GFRAL: variants seen among roughly 807,000 people sequenced by gnomAD.
GFRAL encodes the protein GDNF family receptor alpha like.
In GFRAL, 36 loss-of-function variants were observed where a neutral mutation model predicts 45.4. That is an observed-to-expected ratio of 0.79 (90% CI 0.61 to 1.05). GFRAL has a LOEUF of 1.05. Ranked by LOEUF, GFRAL falls within the 50% of genes least tolerant of loss-of-function variation. GFRAL has a pLI of 0.00. For missense variants in GFRAL, 507 were observed against 467.5 expected (o/e 1.08, Z -0.78); for synonymous variants, 166 against 154.1 (o/e 1.08, Z -0.57).
At chr6:55,384,113 G>A (rs1376587851) in intron 6 of GFRAL, among the ~76,000 whole-genome samples, 1 of 151,890 alleles carries the variant, frequency 6.6e-6, no homozygotes, top group African/African-American at 2.4e-5. Context: ...CACACACTGG[G>A]GCCTGTTGGG....
intron 6 of GFRAL, among the ~76,000 whole-genome samples, chr6:55,385,640 C>T (rs950985774): frequency 3.3e-5 from 5 of 152,054 alleles, no homozygotes; most frequent in Non-Finnish European, 2.9e-5. Context: ...CCATAATATA[C>T]TGCTCTCGTC....
chr6:55,340,885 C>A (rs544442891), intron 3 of GFRAL, among the ~76,000 whole-genome samples: 22 of 152,296 alleles, frequency 1.4e-4, no homozygotes, highest in East Asian at 3.9e-4. Context: ...TATCCCGTGC[C>A]TGGCTTGGAG....
intron 6 of GFRAL, among the ~76,000 whole-genome samples, chr6:55,390,428 C>T (rs1010498963): frequency 2.6e-5 from 4 of 152,156 alleles, no homozygotes; most frequent in Non-Finnish European, 5.9e-5. Flanking sequence ...GGCACAGTTG[C>T]CATTGGGAAC....
intron 6 of GFRAL, among the ~76,000 whole-genome samples, chr6:55,371,464 T>G (rs1407448090): frequency 2.0e-5 from 3 of 151,590 alleles, no homozygotes; most frequent in Admixed American, 6.6e-5. Flanking sequence ...CTATAACATC[T>G]AGGACCTACA....
intron 6 of GFRAL, among the ~76,000 whole-genome samples, chr6:55,373,478 C>A (rs1768480549): frequency 1.3e-5 from 2 of 152,122 alleles, no homozygotes; most frequent in South Asian, 4.1e-4. Flanking sequence ...TGTTAGATTT[C>A]TCATGTACTT....
At chr6:55,343,304 GA>G (rs1581903002) in intron 3 of GFRAL, among the ~76,000 whole-genome samples, 5 of 152,132 alleles carry the variant, frequency 3.3e-5, no homozygotes, top group Admixed American at 3.3e-4. Context: ...AAACGTAAAA[GA>G]ACACAAATTA....
chr6:55,395,812 A>G (rs1418033796), intron 6 of GFRAL, among the ~76,000 whole-genome samples: 1 of 151,888 alleles, frequency 6.6e-6, no homozygotes, highest in African/African-American at 2.4e-5. Context: ...AGAAACAGTA[A>G]TGCTCACCTC....
intron 3 of GFRAL, among the ~76,000 whole-genome samples, chr6:55,340,501 G>A (rs1467350340): frequency 6.6e-6 from 1 of 152,060 alleles, no homozygotes; most frequent in Non-Finnish European, 1.5e-5. Context: ...AGAATATAAA[G>A]AGCATCATCA....
intron 6 of GFRAL, among the ~76,000 whole-genome samples, chr6:55,393,718 C>T (rs60761034): frequency 0.22 from 34,028 of 151,846 alleles, 5,125 homozygotes; most frequent in African/African-American, 0.44. Context: ...TGGGCAAAGA[C>T]GAGATTTAAT....
Position 55,359,029 on chromosome 6 carries a change from T to C in GFRAL, c.843T>C (p.Asp281=), listed in dbSNP as rs1203558288. 6.2e-7 allele frequency: 1 copy of C among 1,612,954 alleles called. No individual in the cohort carries two copies. The highest frequency in any genetic ancestry group is 8.5e-7 in the Non-Finnish European group (1 of 1,179,378). The part of the protein sequence containing the change: ...GSDDCKAAYI[D]ILGTVLQVQC... Reference sequence around the variant, plus strand: ...ATGACTGCAAAGCTGCTTACATAGATATCCTTGGGACGGTCCTTCAAGTGC... The same window carrying C: ...ATGACTGCAAAGCTGCTTACATAGACATCCTTGGGACGGTCCTTCAAGTGC... Residue 281 remains aspartate, a synonymous_variant, in exon 6 of 9, where the codon GAT becomes GAC. Coordinates refer to ENST00000340465, the MANE Select transcript of GFRAL (RefSeq NM_207410.2).
intron 6 of GFRAL, among the ~76,000 whole-genome samples, chr6:55,366,038 T>C (rs1768358027): frequency 6.6e-6 from 1 of 151,510 alleles, no homozygotes; most frequent in South Asian, 2.1e-4. Flanking sequence ...CTTGTACCTC[T>C]GGTAGAATTC....
intron 3 of GFRAL, among the ~76,000 whole-genome samples, chr6:55,346,093 G>A (rs186711963): frequency 0.013 from 1,990 of 152,268 alleles, 23 homozygotes; most frequent in Non-Finnish European, 0.022. Flanking sequence ...ACTGTTGGTG[G>A]GACTGTAAAC....
intron 3 of GFRAL, among the ~76,000 whole-genome samples, chr6:55,339,248 A>T (rs1211506766): frequency 6.6e-6 from 1 of 152,140 alleles, no homozygotes; most frequent in Non-Finnish European, 1.5e-5. Context: ...ATTGTACAGG[A>T]CTGGGGACGA....
intron 6 of GFRAL, among the ~76,000 whole-genome samples, chr6:55,377,842 G>C (rs917133308): frequency 6.6e-6 from 1 of 152,040 alleles, no homozygotes; most frequent in Non-Finnish European, 1.5e-5. Context: ...ATAAAGCAAT[G>C]ACTTTTGTGC....
intron 6 of GFRAL, among the ~76,000 whole-genome samples, chr6:55,388,076 A>AT (rs2127364802): frequency 6.6e-6 from 1 of 152,198 alleles, no homozygotes; most frequent in Non-Finnish European, 1.5e-5. Flanking sequence ...TCTAGCAATG[A>AT]TTTCCCTTGG....
At chr6:55,341,700 A>C (rs760531386) in intron 3 of GFRAL, among the ~76,000 whole-genome samples, 5 of 152,222 alleles carry the variant, frequency 3.3e-5, no homozygotes, top group Admixed American at 2.0e-4. Context: ...TCAGAGAATA[A>C]GGTTTCAGAT....
At chr6:55,374,361 G>A (rs1283745180) in intron 6 of GFRAL, among the ~76,000 whole-genome samples, 1 of 151,976 alleles carries the variant, frequency 6.6e-6, no homozygotes, top group African/African-American at 2.4e-5. Flanking sequence ...GTTTTGATTT[G>A]CATTTCTCTA....
Position 55,397,836 on chromosome 6 carries a change from TGACA to T in GFRAL, c.953-1332_953-1329del, listed in dbSNP as rs1449979897. On this transcript the variant is annotated intron_variant, in intron 6 of 8. Transcript: ENST00000340465. ...TACCTCGTAAGGACATTCTGGTCAA[TGACA>T]GACAGACAGACTATACATCAGTGGT... 3.9e-5 allele frequency among the ~76,000 whole-genome samples: 6 copies of T among 152,174 alleles called. No individual in the cohort carries two copies. In the South Asian group the frequency reaches 6.2e-4, roughly 16 times the overall value.
chr6:55,389,558 A>C (rs1488605575), intron 6 of GFRAL, among the ~76,000 whole-genome samples: 1 of 151,976 alleles, frequency 6.6e-6, no homozygotes, highest in East Asian at 1.9e-4. Flanking sequence ...ACAAAAAAAC[A>C]GTAAATATTA....
Sources: allele counts gnomAD v4.1 joint callset (sites outside exome capture counted in the v4.1 genomes callset), GRCh38; gene constraint gnomAD v4.1.1; transcripts MANE v1.5; gene names NCBI Gene and HGNC (gene_info 2026-07-23, HGNC 2026-07-21).